PRAG1: variants seen among roughly 807,000 people sequenced by gnomAD.
The protein encoded by PRAG1 is PEAK1 related, kinase-activating pseudokinase 1.
A neutral mutation model predicts 95.6 loss-of-function variants in PRAG1; 110 were observed. The observed-to-expected ratio is 1.15, with a 90% CI of 0.99 to 1.35. The LOEUF (loss-of-function observed/expected upper bound fraction) is 1.35, where lower values mean the gene tolerates loss of function less well. Among genes scored for constraint, PRAG1 ranks in the 40% most tolerant of loss-of-function variants. PRAG1 has a pLI of 0.00. For synonymous variants in PRAG1, 1,052 were observed against 819.4 expected, an observed-to-expected ratio of 1.28 and a Z score of -4.85; for missense variants, 2,554 against 1,864.7, an observed-to-expected ratio of 1.37 and a Z score of -6.81.
At chr8:8,379,854 C>T (rs965962668) in intron 2 of PRAG1, among the ~76,000 whole-genome samples, 2 of 152,116 alleles carry the variant, frequency 1.3e-5, no homozygotes, top group African/African-American at 4.8e-5. Context: ...TTTTTAGTGA[C>T]CCTAGAAGAA....
At chr8:8,380,409 G>A (rs1800594235) in intron 2 of PRAG1, among the ~76,000 whole-genome samples, 1 of 151,898 alleles carries the variant, frequency 6.6e-6, no homozygotes, top group Non-Finnish European at 1.5e-5. Context: ...GACCAGACTA[G>A]CCAACATGGT....
chr8:8,346,332 C>T (rs546145197), intron 3 of PRAG1, among the ~76,000 whole-genome samples: 1 of 152,364 alleles, frequency 6.6e-6, no homozygotes, highest in African/African-American at 2.4e-5. Flanking sequence ...GATGTCTTCA[C>T]TCACGTAGTG....
chr8:8,385,958 A>G (rs1800833817), intron 1 of PRAG1, among the ~76,000 whole-genome samples: 1 of 152,068 alleles, frequency 6.6e-6, no homozygotes, highest in Non-Finnish European at 1.5e-5. Context: ...TAGCGGTGGA[A>G]AGCAGTCCTC....
chr8:8,370,101 A>T (rs959549716), intron 3 of PRAG1, among the ~76,000 whole-genome samples: 2 of 152,248 alleles, frequency 1.3e-5, no homozygotes, highest in African/African-American at 4.8e-5. Flanking sequence ...TGTATGCTCA[A>T]AATTAGACAG....
At chr8:8,337,816 C>T (rs1196965612) in intron 4 of PRAG1, among the ~76,000 whole-genome samples, 2 of 152,132 alleles carry the variant, frequency 1.3e-5, no homozygotes, top group Admixed American at 6.5e-5. Context: ...CACAAACCTC[C>T]GGCAGCTCTC....
chr8:8,384,508 A>C (rs1280829952), intron 1 of PRAG1, among the ~76,000 whole-genome samples: 1 of 151,846 alleles, frequency 6.6e-6, no homozygotes, highest in Non-Finnish European at 1.5e-5. Context: ...ATAAGAAAAG[A>C]ACAAATGAAG....
At chr8:8,380,274 A>G (rs1031374250) in intron 2 of PRAG1, among the ~76,000 whole-genome samples, 11 of 151,852 alleles carry the variant, frequency 7.2e-5, no homozygotes, top group African/African-American at 2.7e-4. Context: ...CTGTCTCAAA[A>G]AAAAATAAAT....
Position 8,325,079 on chromosome 8 carries a change from C to T in PRAG1, c.3072+2631G>A, listed in dbSNP as rs564732502. ...CTGTTTAACATGTGCAGATAAAATG[C>T]GCTCAGCCTCAGACAGGCAGCTCGC... On this transcript the variant is annotated intron_variant, in intron 5 of 5. Coordinates refer to ENST00000615670, the MANE Select transcript of PRAG1 (RefSeq NM_001080826.3). Among the ~76,000 whole-genome samples the T allele has an allele frequency of 4.1e-4, 63 of 152,290 alleles. 1 individual carries two copies. The highest frequency in any genetic ancestry group is 1.4e-3 in the African/African-American group (59 of 41,566).
intron 3 of PRAG1, among the ~76,000 whole-genome samples, chr8:8,349,624 C>T (rs537017899): frequency 1.3e-5 from 2 of 152,056 alleles, no homozygotes; most frequent in East Asian, 3.9e-4. Context: ...GATGAAGATG[C>T]TAAGGGAGCT....
In PRAG1 at chr8:8,339,822, CAGG is replaced by C. The variant is rs1490877311; in HGVS notation, c.2163-190_2163-188del. 3.9e-5 allele frequency among the ~76,000 whole-genome samples: 6 copies of C among 152,142 alleles called. No homozygotes were observed. In the East Asian group the frequency reaches 1.2e-3, roughly 29 times the overall value. ...TCTGAGTTCTTATGTGCATGAATGA[CAGG>C]AGACTTCCAGAGTGTGGTTAGGAGA... On this transcript the variant is annotated intron_variant, in intron 3 of 5. Coordinates refer to ENST00000615670, the MANE Select transcript of PRAG1 (RefSeq NM_001080826.3).
At chr8:8,385,752 T>C (rs1201852134) in intron 1 of PRAG1, among the ~76,000 whole-genome samples, 1 of 151,830 alleles carries the variant, frequency 6.6e-6, no homozygotes, top group East Asian at 1.9e-4. Context: ...AGTGTGTGTG[T>C]CCCCGGATAC....
intron 2 of PRAG1, among the ~76,000 whole-genome samples, chr8:8,380,844 C>A (rs905640203): frequency 8.9e-6 from 1 of 112,320 alleles, no homozygotes; most frequent in Non-Finnish European, 1.7e-5. Flanking sequence ...CAGAGAGAGA[C>A]TCCATCTCAA....
intron 4 of PRAG1, among the ~76,000 whole-genome samples, chr8:8,329,210 T>C (rs1237461539): frequency 6.6e-6 from 1 of 151,962 alleles, no homozygotes; most frequent in Non-Finnish European, 1.5e-5. Context: ...CTGGCCAACA[T>C]GGTGAAATCC....
chr8:8,355,119 CA>C (rs145232850), intron 3 of PRAG1, among the ~76,000 whole-genome samples: 1 of 108,142 alleles, frequency 9.2e-6, no homozygotes, highest in African/African-American at 3.2e-5. Context: ...TTTCCACATA[CA>C]AAAAAACAAT....
At chr8:8,340,211 C>T (rs1446052186) in intron 3 of PRAG1, among the ~76,000 whole-genome samples, 4 of 152,226 alleles carry the variant, frequency 2.6e-5, no homozygotes, top group African/African-American at 9.6e-5. Context: ...AACAAATTGA[C>T]ATAACCCTTA....
intron 5 of PRAG1, among the ~76,000 whole-genome samples, chr8:8,323,030 TAACA>T (rs1427876830): frequency 1.3e-5 from 2 of 152,164 alleles, no homozygotes; most frequent in African/African-American, 2.4e-5. Context: ...CTCTTTTCAT[TAACA>T]AACAAAAAGC....
intron 3 of PRAG1, among the ~76,000 whole-genome samples, chr8:8,375,013 G>A (rs1456258834): frequency 2.6e-5 from 4 of 151,294 alleles, no homozygotes; most frequent in African/African-American, 9.7e-5. Context: ...ACAGAAATCA[G>A]TTTCGCTCTA....
chr8:8,319,186 G>C lies in PRAG1; in HGVS notation c.3189C>G (p.Leu1063=). Residue 1063 remains leucine, a synonymous_variant, in exon 6 of 6, where the codon CTC becomes CTG. Coordinates refer to ENST00000615670, the MANE Select transcript of PRAG1 (RefSeq NM_001080826.3). ...HFVASVPSSM[L]SSPDAPKDPV... is the part of the protein sequence containing the mutation. ...GGTCCTTGGGCGCGTCGGGGGAGCT[G>C]AGCATGCTGGACGGCACCGAGGCGA... 7 of 1,602,270 alleles carry C rather than the reference G, an allele frequency of 4.4e-6. No individual in the cohort carries two copies. Among genetic ancestry groups the C allele is most frequent in the Non-Finnish European group, 6.0e-6 (7 of 1,172,958 alleles).
intron 3 of PRAG1, among the ~76,000 whole-genome samples, chr8:8,352,752 G>C (rs17150422): frequency 0.04 from 6,025 of 152,116 alleles, 415 homozygotes; most frequent in African/African-American, 0.14. Context: ...ACTATATTTG[G>C]TATACCTGTA....
Sources: allele counts gnomAD v4.1 joint callset (sites outside exome capture counted in the v4.1 genomes callset), GRCh38; gene constraint gnomAD v4.1.1; transcripts MANE v1.5; gene names NCBI Gene and HGNC (gene_info 2026-07-23, HGNC 2026-07-21).